Variants in DCHS2 observed in about 807,000 individuals in gnomAD.
DCHS2 encodes the protein protocadherin-23.
DCHS2 carries 142 observed loss-of-function variants against 182.4 expected under a neutral mutation model. The observed-to-expected ratio is 0.78, with a 90% confidence interval of 0.68 to 0.89. DCHS2 has a LOEUF of 0.89. Among genes scored for constraint, DCHS2 ranks in the 40% least tolerant of loss-of-function variants. The probability of loss-of-function intolerance (pLI) is 0.00; values close to 1 mark genes in which losing one functional copy is unlikely to be tolerated. For synonymous variants in DCHS2, 1,740 were observed against 1,663.3 expected (o/e 1.05, Z -1.12); for missense variants, 4,319 against 4,198.6 (o/e 1.03, Z -0.79).
chr4:154,422,372 G>A (rs1485652450), intron 1 of DCHS2, among the ~76,000 whole-genome samples: 1 of 152,098 alleles, frequency 6.6e-6, no homozygotes, highest in Non-Finnish European at 1.5e-5. Flanking sequence ...AGACATACTG[G>A]TCAGAAACCT....
chr4:154,475,100 T>C (rs2111025963), intron 1 of DCHS2, among the ~76,000 whole-genome samples: 1 of 152,300 alleles, frequency 6.6e-6, no homozygotes, highest in Non-Finnish European at 1.5e-5. Context: ...TTATCCTAAT[T>C]GCCACATTAA....
intron 15 of DCHS2, among the ~76,000 whole-genome samples, chr4:154,257,260 C>T (rs1206017713): frequency 1.3e-5 from 2 of 152,070 alleles, no homozygotes; most frequent in Admixed American, 6.5e-5. Context: ...AAAAAAAGTG[C>T]TACAGAGAGT....
At chr4:154,440,686 G>A (rs1256764624) in intron 1 of DCHS2, among the ~76,000 whole-genome samples, 1 of 151,992 alleles carries the variant, frequency 6.6e-6, no homozygotes, top group Non-Finnish European at 1.5e-5. Flanking sequence ...ATTTTAATGA[G>A]ACATCAAAAT....
At chr4:154,349,755 A>G (rs1729522437) in intron 3 of DCHS2, among the ~76,000 whole-genome samples, 1 of 152,218 alleles carries the variant, frequency 6.6e-6, no homozygotes, top group African/African-American at 2.4e-5. Flanking sequence ...ATGCTGATTC[A>G]CATGATATGT....
At chr4:154,311,225 T>C (rs1735658862) in intron 10 of DCHS2, among the ~76,000 whole-genome samples, 1 of 152,064 alleles carries the variant, frequency 6.6e-6, no homozygotes, top group African/African-American at 2.4e-5. Context: ...TTTAGGAAGA[T>C]CATTTTTCTT....
intron 3 of DCHS2, among the ~76,000 whole-genome samples, chr4:154,358,308 T>C (rs1300524807): frequency 6.6e-6 from 1 of 152,216 alleles, no homozygotes; most frequent in African/African-American, 2.4e-5. Flanking sequence ...AGTTCCATCT[T>C]ATTTATGCTC....
At chr4:154,391,362 T>C in intron 1 of DCHS2, 1 of 1,532,658 alleles carries the variant, frequency 6.5e-7, no homozygotes, top group Non-Finnish European at 8.8e-7. Context: ...ACCCTTTCCT[T>C]GTGCTACAGG....
chr4:154,265,685 G>C (rs1220692575), intron 14 of DCHS2, among the ~76,000 whole-genome samples: 1 of 151,916 alleles, frequency 6.6e-6, no homozygotes, highest in African/African-American at 2.4e-5. Context: ...ACAAAAAAGA[G>C]AGACATAAAG....
intron 1 of DCHS2, among the ~76,000 whole-genome samples, chr4:154,457,516 T>A (rs891619812): frequency 7.2e-5 from 11 of 152,300 alleles, no homozygotes; most frequent in African/African-American, 1.9e-4. Context: ...GGCGCACACA[T>A]CCCTGCCTTT....
intron 14 of DCHS2, among the ~76,000 whole-genome samples, chr4:154,260,567 T>C (rs532652891): frequency 3.3e-5 from 5 of 152,324 alleles, no homozygotes; most frequent in African/African-American, 1.2e-4. Flanking sequence ...TCTTGAATGC[T>C]TATTAAAGAG....
Position 154,329,604 on chromosome 4 carries a change from CG to C in DCHS2, c.3836del (p.Ala1279GlyfsTer27), listed in dbSNP as rs1561046134. 1 of 1,613,248 alleles carries C rather than the reference CG, an allele frequency of 6.2e-7. No homozygotes were observed. Among genetic ancestry groups the C allele is most frequent in the Admixed American group, 1.7e-5 (1 of 60,016 alleles). On this transcript the variant is annotated frameshift_variant, in exon 6 of 20. Transcript: ENST00000357232. LOFTEE classifies it high-confidence loss of function. ...TGATGTCAGTAACTGAGACGTAAAC[CG>C]CCATGGTGGCGTTTCGTGGTGGGGA... ...RGSPPRNATM[A>X]VYVSVTDIND... is the part of the protein sequence containing the mutation.
intron 4 of DCHS2, 36 bp from the exon 5 acceptor site, chr4:154,333,530 A>G: frequency 1.9e-6 from 3 of 1,566,552 alleles, no homozygotes; most frequent in Non-Finnish European, 2.6e-6. Flanking sequence ...CTGTATGTCA[A>G]AAGGGTGGAC....
At chr4:154,333,918 A>G (rs954277086) in intron 4 of DCHS2, 1 of 169,742 alleles carries the variant, frequency 5.9e-6, no homozygotes, top group African/African-American at 2.4e-5. Flanking sequence ...TATATTCTCC[A>G]TCTACAGAGA....
chr4:154,374,106 G>GAGC, intron 2 of DCHS2: 1 of 641,918 alleles, frequency 1.6e-6, no homozygotes, highest in Non-Finnish European at 2.6e-6. Flanking sequence ...TGCACTTCTG[G>GAGC]AGCACTGTGC....
At position 154,302,980 on chromosome 4, in the gene DCHS2, CA is replaced by C. The variant is rs1561026298; in HGVS notation, c.5605+1688del. Among the ~76,000 whole-genome samples, 115 of 89,500 alleles carry C rather than the reference CA, an allele frequency of 1.3e-3. 2 individuals are homozygous for C. Among genetic ancestry groups the C allele is most frequent in the Non-Finnish European group, 2.2e-3 (100 of 44,578 alleles). The allele number at this position is 89,500 out of a possible 152,430, so 58.7% of individuals were successfully genotyped here. A position where few individuals can be genotyped will look rare whatever the true frequency, so the allele number is the denominator to read the frequency against. On this transcript the variant is annotated intron_variant, in intron 12 of 19. Coordinates refer to ENST00000357232, the MANE Select transcript of DCHS2 (RefSeq NM_001358235.2). ...ACACACACACACACCCACACACACACATATTTTTTTTTTTTTTTGAGACAAA... is the reference window on the plus strand; with the variant it reads ...ACACACACACACACCCACACACACACTATTTTTTTTTTTTTTTGAGACAAA...
At chr4:154,300,711 TA>T (rs199934093) in intron 12 of DCHS2, among the ~76,000 whole-genome samples, 3 of 149,878 alleles carry the variant, frequency 2.0e-5, no homozygotes, top group South Asian at 4.2e-4. Flanking sequence ...AGCCTGTCTT[TA>T]AAAAAAAAGA....
intron 1 of DCHS2, among the ~76,000 whole-genome samples, chr4:154,485,256 A>AG (rs1728546983): frequency 6.6e-6 from 1 of 152,220 alleles, no homozygotes; most frequent in Non-Finnish European, 1.5e-5. Context: ...GGCAAGCGAG[A>AG]GGCAGAATGT....
intron 13 of DCHS2, among the ~76,000 whole-genome samples, chr4:154,277,284 G>A (rs558173970): frequency 3.4e-4 from 52 of 152,284 alleles, no homozygotes; most frequent in African/African-American, 1.2e-3. Context: ...TGGTTTCTGT[G>A]TTAACTTGGC....
At chr4:154,480,746 A>G (rs1735888770) in intron 1 of DCHS2, among the ~76,000 whole-genome samples, 1 of 152,202 alleles carries the variant, frequency 6.6e-6, no homozygotes, top group Admixed American at 6.5e-5. Context: ...TACACACATA[A>G]TACAAATCAA....
Sources: gnomAD v4.1 joint callset for allele counts (sites outside exome capture counted in the v4.1 genomes callset) on GRCh38, gnomAD v4.1.1 for gene constraint, MANE v1.5 for transcripts, NCBI Gene and HGNC (gene_info 2026-07-23, HGNC 2026-07-21) for gene names.